Variants in PGCKA1 observed in about 807,000 individuals in gnomAD.
PGCKA1 encodes the protein PDCD10 and GCKIII kinases associated 1.
At chr4:37,533,551 C>A in the PGCKA1 span, among the ~76,000 whole-genome samples, 2 of 152,270 alleles carry the variant, frequency 1.3e-5, no homozygotes, top group Admixed American at 1.3e-4. Context: ...TATAAATAAG[C>A]AAACATTCTT....
the PGCKA1 span, chr4:37,588,796 A>G: frequency 3.8e-6 from 5 of 1,309,948 alleles, no homozygotes; most frequent in African/African-American, 5.8e-5. Flanking sequence ...CTTAATTCCT[A>G]CTAATATATC....
At chr4:37,572,987 T>C in the PGCKA1 span, among the ~76,000 whole-genome samples, 48 of 152,336 alleles carry the variant, frequency 3.2e-4, no homozygotes, top group African/African-American at 1.1e-3. Flanking sequence ...CAACATTGTA[T>C]TGTATTTTCA....
the PGCKA1 span, among the ~76,000 whole-genome samples, chr4:37,493,055 T>C: frequency 6.6e-6 from 1 of 152,160 alleles, no homozygotes; most frequent in East Asian, 1.9e-4. Flanking sequence ...TGTATAGATA[T>C]ATATATGTAT....
At chr4:37,587,669 G>A in the PGCKA1 span, among the ~76,000 whole-genome samples, 1 of 152,166 alleles carries the variant, frequency 6.6e-6, no homozygotes, top group African/African-American at 2.4e-5. Context: ...GTTTTGGCTT[G>A]TCTTTTTAAA....
chr4:37,565,932 A>C, the PGCKA1 span, among the ~76,000 whole-genome samples: 1 of 152,156 alleles, frequency 6.6e-6, no homozygotes, highest in Non-Finnish European at 1.5e-5. Flanking sequence ...TCAAAAGGTG[A>C]GACTAGCCTA....
chr4:37,537,871 A>G, the PGCKA1 span, among the ~76,000 whole-genome samples: 2 of 152,350 alleles, frequency 1.3e-5, no homozygotes, highest in Admixed American at 6.5e-5. Flanking sequence ...CCATTATCGT[A>G]AAATGAAGCT....
the PGCKA1 span, among the ~76,000 whole-genome samples, chr4:37,535,322 G>C: frequency 6.6e-6 from 1 of 152,222 alleles, no homozygotes; most frequent in African/African-American, 2.4e-5. Context: ...AAGGAGTTCA[G>C]GGTTACAGTG....
the PGCKA1 span, among the ~76,000 whole-genome samples, chr4:37,454,269 T>TG: frequency 2.0e-5 from 3 of 151,774 alleles, no homozygotes; most frequent in East Asian, 1.9e-4. Context: ...AAAACTCGGG[T>TG]GGGGGGAGGC....
chr4:37,525,324 A>G, the PGCKA1 span, among the ~76,000 whole-genome samples: 1 of 152,340 alleles, frequency 6.6e-6, no homozygotes, highest in African/African-American at 2.4e-5. Flanking sequence ...ATTGCACTTA[A>G]CTTCAAAATA....
chr4:37,572,048 C>CTTTTTTTTTTTTTTT, the PGCKA1 span, among the ~76,000 whole-genome samples: 1 of 111,630 alleles, frequency 9.0e-6, no homozygotes. Flanking sequence ...AACTTCACAC[C>CTTTTTTTTTTTTTTT]TTTTTTTTTT....
the PGCKA1 span, among the ~76,000 whole-genome samples, chr4:37,508,661 CTTCT>C: frequency 7.7e-5 from 7 of 91,058 alleles, no homozygotes; most frequent in African/African-American, 4.5e-4. Context: ...TCCTCACCCT[CTTCT>C]TTTTTTTTTT....
At chr4:37,514,162 T>C in the PGCKA1 span, among the ~76,000 whole-genome samples, 14 of 152,232 alleles carry the variant, frequency 9.2e-5, no homozygotes, top group African/African-American at 3.1e-4. Flanking sequence ...CAGCTAATGG[T>C]GAGCATAAGA....
At chr4:37,461,467 G>A in the PGCKA1 span, among the ~76,000 whole-genome samples, 76,285 of 150,624 alleles carry the variant, frequency 0.51, 19,531 homozygotes, top group Admixed American at 0.53. Flanking sequence ...ATGTTTTTCT[G>A]TTTGTTTGTG....
chr4:37,516,079 C>T, the PGCKA1 span, among the ~76,000 whole-genome samples: 2 of 152,210 alleles, frequency 1.3e-5, no homozygotes, highest in Admixed American at 6.5e-5. Flanking sequence ...TCATTCTTTA[C>T]TTATTCATAC....
chr4:37,554,274 T>G, the PGCKA1 span, among the ~76,000 whole-genome samples: 1 of 152,186 alleles, frequency 6.6e-6, no homozygotes, highest in Non-Finnish European at 1.5e-5. Flanking sequence ...CTTTATAAAT[T>G]ACCCAGTCTC....
At chr4:37,593,352 T>C in the PGCKA1 span, among the ~76,000 whole-genome samples, 1 of 152,184 alleles carries the variant, frequency 6.6e-6, no homozygotes, top group Non-Finnish European at 1.5e-5. Context: ...CACATATCAA[T>C]GACCCACGTA....
At chr4:37,541,537 A>G in the PGCKA1 span, among the ~76,000 whole-genome samples, 2 of 152,078 alleles carry the variant, frequency 1.3e-5, no homozygotes, top group South Asian at 4.1e-4. Context: ...GCCTCCCTCT[A>G]CCAGCCTACT....
chr4:37,486,284 G>T, the PGCKA1 span, among the ~76,000 whole-genome samples: 9,413 of 152,048 alleles, frequency 0.062, 368 homozygotes, highest in Middle Eastern at 0.088. Context: ...AGACTTTGTG[G>T]GTATCAGGAG....
At chr4:37,490,979 A>G in the PGCKA1 span, among the ~76,000 whole-genome samples, 1 of 152,240 alleles carries the variant, frequency 6.6e-6, no homozygotes, top group East Asian at 1.9e-4. Context: ...TTCTATTTTG[A>G]TAAAGTCTTT....
Sources: allele counts gnomAD v4.1 joint callset (sites outside exome capture counted in the v4.1 genomes callset), GRCh38; gene constraint gnomAD v4.1.1; transcripts MANE v1.5; gene names NCBI Gene and HGNC (gene_info 2026-07-23, HGNC 2026-07-21).